The following EMP2 variants were observed in gnomAD, a reference collection of about 807,000 sequenced individuals.
EMP2 encodes epithelial membrane protein 2.
EMP2 carries 19 observed loss-of-function variants against 13.7 expected under a neutral mutation model. That is an observed-to-expected ratio of 1.38 (90% CI 0.97 to 2.03). EMP2 has a LOEUF of 2.03. Among genes scored for constraint, EMP2 ranks in the 30% most tolerant of loss-of-function variants. EMP2 has a pLI of 0.00. For missense variants in EMP2, 253 were observed against 220.7 expected (o/e 1.15, Z -0.93); for synonymous variants, 97 against 84.7 (o/e 1.15, Z -0.80).
intron 4 of EMP2, among the ~76,000 whole-genome samples, chr16:10,534,323 T>C (rs532726841): frequency 6.6e-6 from 1 of 152,330 alleles, no homozygotes; most frequent in African/African-American, 2.4e-5. Flanking sequence ...TGAGCGGAAG[T>C]GCTTGACGCA....
intron 1 of EMP2, among the ~76,000 whole-genome samples, chr16:10,578,423 G>C (rs79432942): frequency 0.011 from 1,692 of 152,322 alleles, 14 homozygotes; most frequent in Admixed American, 0.018. Flanking sequence ...TGAGGGTGGA[G>C]AAGCGGGGGC....
At chr16:10,570,277 G>C (rs1332548112) in intron 1 of EMP2, among the ~76,000 whole-genome samples, 1 of 150,298 alleles carries the variant, frequency 6.7e-6, no homozygotes, top group Non-Finnish European at 1.5e-5. Flanking sequence ...CCAGGCTGGA[G>C]TGCAGTGGTG....
At chr16:10,536,925 G>A (rs1228781246) in intron 4 of EMP2, among the ~76,000 whole-genome samples, 1 of 152,182 alleles carries the variant, frequency 6.6e-6, no homozygotes, top group African/African-American at 2.4e-5. Flanking sequence ...TTAAACCAGA[G>A]GATGGTCCCA....
At chr16:10,547,153 C>A in intron 2 of EMP2, 1 of 164,770 alleles carries the variant, frequency 6.1e-6, no homozygotes, top group South Asian at 1.8e-4. Context: ...TGTGTCCCCA[C>A]CCAAATCTCG....
In EMP2 at chr16:10,550,754, C is replaced by T. The variant is rs540183656; in HGVS notation, c.-60-3077G>A. 7.9e-5 allele frequency among the ~76,000 whole-genome samples: 12 copies of T among 152,244 alleles called. 1 individual carries two copies. Among genetic ancestry groups the T allele is most frequent in the East Asian group, 5.8e-4 (3 of 5,182 alleles). On this transcript the variant is annotated intron_variant, in intron 1 of 4. Coordinates refer to ENST00000359543, the MANE Select transcript of EMP2 (RefSeq NM_001424.6). ...CTTTGGGAGGCCGAGGTGGGTGGATCACCTGAGGTCTGGAGTTCGAGACCA... is the reference window on the plus strand; with the variant it reads ...CTTTGGGAGGCCGAGGTGGGTGGATTACCTGAGGTCTGGAGTTCGAGACCA...
chr16:10,555,837 T>G (rs1046612983), intron 1 of EMP2, among the ~76,000 whole-genome samples: 36 of 152,208 alleles, frequency 2.4e-4, no homozygotes, highest in Admixed American at 7.9e-4. Flanking sequence ...TCTGCCTGCC[T>G]CGGCCTCCCA....
chr16:10,546,895 C>T (rs923564826), intron 2 of EMP2: 1 of 152,184 alleles, frequency 6.6e-6, no homozygotes, highest in African/African-American at 2.4e-5. Flanking sequence ...CCTCAAAGGG[C>T]TTCCTAGAGC....
Position 10,529,149 on chromosome 16 carries a change from A to G in EMP2, c.*3756T>C, listed in dbSNP as rs570680798. On this transcript the variant is annotated 3_prime_UTR_variant, in exon 5 of 5. Transcript: ENST00000359543. ...TCTGTCTCCATCACATAGCCCCTCA[A>G]TGAAAGAATTACAGTACTTTATAAA... 1 of 152,356 alleles carries G rather than the reference A, an allele frequency of 6.6e-6. No individual in the cohort carries two copies. Among genetic ancestry groups the G allele is most frequent in the Non-Finnish European group, 1.5e-5 (1 of 68,028 alleles). 9.4% of individuals were successfully genotyped at this position (152,356 alleles called of 1,614,324 possible).
intron 1 of EMP2, among the ~76,000 whole-genome samples, chr16:10,574,142 T>C (rs989646615): frequency 1.1e-4 from 16 of 152,098 alleles, no homozygotes; most frequent in African/African-American, 3.9e-4. Context: ...TTCACTATAT[T>C]GGCCAGGCTG....
In EMP2 at chr16:10,536,387, G is replaced by C. The variant is rs552957229; in HGVS notation, c.316+1541C>G. On this transcript the variant is annotated intron_variant, in intron 4 of 4. Coordinates refer to ENST00000359543, the MANE Select transcript of EMP2 (RefSeq NM_001424.6). Reference sequence around the variant, plus strand: ...ATTGTAATAATCCCCACATGTCAAGGACGGGGCTAGGTGGAGATCATTGAA... The same window carrying C: ...ATTGTAATAATCCCCACATGTCAAGCACGGGGCTAGGTGGAGATCATTGAA... 3.3e-5 allele frequency among the ~76,000 whole-genome samples: 5 copies of C among 152,236 alleles called. No homozygotes were observed. In the South Asian group the frequency reaches 1.0e-3, roughly 32 times the overall value.
At chr16:10,543,958 C>T (rs557292330) in intron 2 of EMP2, among the ~76,000 whole-genome samples, 66 of 152,226 alleles carry the variant, frequency 4.3e-4, no homozygotes, top group Admixed American at 1.1e-3. Flanking sequence ...CTCTTGGGCT[C>T]GAGCAATCCT....
At chr16:10,572,380 G>A (rs1197003650) in intron 1 of EMP2, among the ~76,000 whole-genome samples, 4 of 151,918 alleles carry the variant, frequency 2.6e-5, no homozygotes, top group South Asian at 4.2e-4. Flanking sequence ...CCAGGTGTTC[G>A]CGGCTGCCGT....
At chr16:10,563,782 A>C (rs2050888990) in intron 1 of EMP2, among the ~76,000 whole-genome samples, 1 of 152,230 alleles carries the variant, frequency 6.6e-6, no homozygotes, top group Non-Finnish European at 1.5e-5. Flanking sequence ...TCCACTCTAA[A>C]GTGGGGATGA....
chr16:10,538,136 A>C, intron 3 of EMP2, 62 bp from the exon 4 acceptor site: 1 of 1,583,678 alleles, frequency 6.3e-7, no homozygotes, highest in East Asian at 2.3e-5. Flanking sequence ...TGTGGGGTAC[A>C]CAGCGACCGC....
At chr16:10,542,476 A>G (rs746241022) in intron 3 of EMP2, among the ~76,000 whole-genome samples, 10 of 151,562 alleles carry the variant, frequency 6.6e-5, no homozygotes, top group Non-Finnish European at 1.0e-4. Flanking sequence ...ATTTTTTAGC[A>G]TAAGTATGTC....
At position 10,530,837 on chromosome 16, in the gene EMP2, T is replaced by A. The variant is rs1237291245; in HGVS notation, c.*2068A>T. 6.6e-6 allele frequency: 1 copy of A among 152,194 alleles called. No homozygotes were observed. The highest frequency in any genetic ancestry group is 1.5e-5 in the Non-Finnish European group (1 of 68,052). 9.4% of individuals were successfully genotyped at this position (152,194 alleles called of 1,614,324 possible). ...GTTTTCTGGGTGTTACACAGACAGG[T>A]ACTGCCCAATAACTGTCATCTGCAC... On this transcript the variant is annotated 3_prime_UTR_variant, in exon 5 of 5. Transcript: ENST00000359543.
At chr16:10,547,279 T>C (rs2050747039) in intron 2 of EMP2, 1 of 405,830 alleles carries the variant, frequency 2.5e-6, no homozygotes, top group Non-Finnish European at 4.5e-6. Flanking sequence ...TCTCACGAGA[T>C]CTGACGGTTT....
intron 1 of EMP2, among the ~76,000 whole-genome samples, chr16:10,553,376 G>A (rs1222671552): frequency 6.6e-6 from 1 of 152,054 alleles, no homozygotes; most frequent in Non-Finnish European, 1.5e-5. Context: ...TCTCTGCCTC[G>A]TCCCGCCCCT....
chr16:10,561,375 C>G (rs1012380197), intron 1 of EMP2, among the ~76,000 whole-genome samples: 1 of 152,096 alleles, frequency 6.6e-6, no homozygotes, highest in Non-Finnish European at 1.5e-5. Flanking sequence ...GTCATGGGTA[C>G]ACAGGTGGCA....
Sources: allele counts gnomAD v4.1 joint callset (sites outside exome capture counted in the v4.1 genomes callset), GRCh38; gene constraint gnomAD v4.1.1; transcripts MANE v1.5; gene names NCBI Gene and HGNC (gene_info 2026-07-23, HGNC 2026-07-21).